Variants in SHISA9 observed in about 807,000 individuals in gnomAD.
SHISA9 encodes the protein shisa family member 9, also known as protein shisa-9.
In SHISA9, 13 loss-of-function variants were observed where a neutral mutation model predicts 38.0. The observed-to-expected ratio is 0.34, with a 90% CI of 0.22 to 0.54. SHISA9 has a LOEUF of 0.54. Ranked by LOEUF, SHISA9 falls within the 20% of genes least tolerant of loss-of-function variation. The pLI is 0.91. For missense variants in SHISA9, 538 were observed against 575.8 expected (o/e 0.93, Z 0.67); for synonymous variants, 275 against 242.0 (o/e 1.14, Z -1.27).
chr16:13,349,630 C>T, the SHISA9 span, among the ~76,000 whole-genome samples: 4 of 152,320 alleles, frequency 2.6e-5, no homozygotes, highest in East Asian at 7.7e-4. Context: ...CACATCTTTC[C>T]ACATTTTACC....
chr16:12,930,352 G>A (rs1341537962), intron 2 of SHISA9, among the ~76,000 whole-genome samples: 1 of 152,174 alleles, frequency 6.6e-6, no homozygotes, highest in Non-Finnish European at 1.5e-5. Context: ...TCTAGCAAAT[G>A]CCAAGTTGAG....
At chr16:13,211,049 C>T (rs919361312) in intron 3 of SHISA9, among the ~76,000 whole-genome samples, 2 of 152,152 alleles carry the variant, frequency 1.3e-5, no homozygotes, top group Non-Finnish European at 2.9e-5. Context: ...ATAATCCCAG[C>T]AGTTTGGGAG....
At chr16:13,003,552 C>A (rs569076268) in intron 2 of SHISA9, among the ~76,000 whole-genome samples, 2 of 152,160 alleles carry the variant, frequency 1.3e-5, no homozygotes, top group African/African-American at 4.8e-5. Context: ...CCACCACTAA[C>A]GACAGCAAAT....
In SHISA9 at chr16:12,920,948, C is replaced by G. The variant is rs540700653; in HGVS notation, c.691+4133C>G. 6.6e-4 allele frequency among the ~76,000 whole-genome samples: 101 copies of G among 152,278 alleles called. No homozygotes were observed. The Middle Eastern group carries it at 0.01, about 15-fold the overall frequency. ...GATGTGGTAAAGACAGGAAACAACA[C>G]TAAACAAGCCAGAAGCGATTACAAA... is the stretch of plus-strand genomic sequence containing the variant. On this transcript the variant is annotated intron_variant, in intron 2 of 4. Coordinates refer to ENST00000558583, the MANE Select transcript of SHISA9 (RefSeq NM_001145204.3).
At chr16:13,477,552 C>A in the SHISA9 span, among the ~76,000 whole-genome samples, 2 of 152,256 alleles carry the variant, frequency 1.3e-5, no homozygotes, top group South Asian at 4.2e-4. Context: ...CAACCTGGCC[C>A]CAAAGGCAAG....
chr16:13,318,367 G>T, the SHISA9 span, among the ~76,000 whole-genome samples: 13 of 151,850 alleles, frequency 8.6e-5, no homozygotes, highest in African/African-American at 3.1e-4. Context: ...CTGTTGCCCA[G>T]GCTGGAGTGC....
At chr16:13,294,443 C>A in the SHISA9 span, among the ~76,000 whole-genome samples, 1 of 152,178 alleles carries the variant, frequency 6.6e-6, no homozygotes, top group Non-Finnish European at 1.5e-5. Flanking sequence ...GCTTTTCCTT[C>A]TCAATAGTGA....
the SHISA9 span, among the ~76,000 whole-genome samples, chr16:13,487,469 G>T: frequency 1.3e-5 from 2 of 152,194 alleles, no homozygotes; most frequent in Non-Finnish European, 2.9e-5. Context: ...GGCAGGGGCT[G>T]CCACACACTT....
the SHISA9 span, among the ~76,000 whole-genome samples, chr16:13,541,748 G>A: frequency 1.3e-5 from 2 of 152,308 alleles, no homozygotes. Flanking sequence ...GTTGAAAAGG[G>A]AGAGTCCTCA....
the SHISA9 span, among the ~76,000 whole-genome samples, chr16:13,461,760 C>T: frequency 1.3e-5 from 2 of 151,174 alleles, no homozygotes; most frequent in Non-Finnish European, 2.9e-5. Context: ...ACCACAGGCG[C>T]CCGCCACCAC....
the SHISA9 span, among the ~76,000 whole-genome samples, chr16:13,559,046 A>G: frequency 6.6e-6 from 1 of 152,232 alleles, no homozygotes; most frequent in Non-Finnish European, 1.5e-5. Context: ...CTTCCCCACC[A>G]CAATGTAAGC....
the SHISA9 span, among the ~76,000 whole-genome samples, chr16:13,489,991 G>A: frequency 6.6e-6 from 1 of 152,160 alleles, no homozygotes; most frequent in Admixed American, 6.5e-5. Context: ...GGGATACCAG[G>A]GGTCTGGTTA....
chr16:13,265,697 C>T, the SHISA9 span, among the ~76,000 whole-genome samples: 1 of 151,570 alleles, frequency 6.6e-6, no homozygotes, highest in Non-Finnish European at 1.5e-5. Flanking sequence ...AATCATCAAA[C>T]CATGTGATAT....
intron 2 of SHISA9, among the ~76,000 whole-genome samples, chr16:13,005,015 C>T (rs1245012265): frequency 6.9e-6 from 1 of 145,140 alleles, no homozygotes; most frequent in African/African-American, 2.6e-5. Context: ...TCCATAGAAC[C>T]TGGCTATGGT....
the SHISA9 span, among the ~76,000 whole-genome samples, chr16:13,556,921 G>A: frequency 2.6e-5 from 4 of 152,176 alleles, no homozygotes; most frequent in South Asian, 2.1e-4. Flanking sequence ...GTTTACATGC[G>A]AAGACGATGT....
At chr16:12,977,383 A>G (rs1418828820) in intron 2 of SHISA9, among the ~76,000 whole-genome samples, 1 of 152,198 alleles carries the variant, frequency 6.6e-6, no homozygotes, top group Non-Finnish European at 1.5e-5. Context: ...ATGAGAAGTT[A>G]AAACCACTGT....
chr16:13,308,905 C>T, the SHISA9 span, among the ~76,000 whole-genome samples: 5 of 152,090 alleles, frequency 3.3e-5, no homozygotes, highest in Non-Finnish European at 7.4e-5. Flanking sequence ...CATGAATAAA[C>T]AGAATGAGTT....
chr16:12,931,867 A>G (rs1426069427), intron 2 of SHISA9, among the ~76,000 whole-genome samples: 1 of 152,202 alleles, frequency 6.6e-6, no homozygotes, highest in Non-Finnish European at 1.5e-5. Context: ...AAGTAATGAT[A>G]TCGTTTGGCT....
the SHISA9 span, among the ~76,000 whole-genome samples, chr16:13,445,006 A>C: frequency 1.9e-5 from 1 of 51,956 alleles, no homozygotes; most frequent in Non-Finnish European, 4.0e-5. Context: ...ATATATATAT[A>C]TATATATATA....
Sources: allele counts gnomAD v4.1 joint callset (sites outside exome capture counted in the v4.1 genomes callset), GRCh38; gene constraint gnomAD v4.1.1; transcripts MANE v1.5; gene names NCBI Gene and HGNC (gene_info 2026-07-23, HGNC 2026-07-21).